The following CHRNA9 variants were observed in gnomAD, a reference collection of about 807,000 sequenced individuals.
CHRNA9 encodes cholinergic receptor nicotinic alpha 9 subunit.
CHRNA9 carries 24 observed loss-of-function variants against 36.8 expected under a neutral mutation model. The ratio of observed to expected loss-of-function variants is 0.65; its 90% confidence interval spans 0.47 to 0.92. CHRNA9 has a LOEUF of 0.92. Ranked by LOEUF, CHRNA9 falls within the 40% of genes least tolerant of loss-of-function variation. The pLI is 0.00. For missense variants in CHRNA9, 610 were observed against 601.2 expected, an observed-to-expected ratio of 1.01 and a Z score of -0.15; for synonymous variants, 231 against 231.8, an observed-to-expected ratio of 1.00 and a Z score of 0.03.
At chr4:40,350,719 CA>C (rs1712776266) in intron 4 of CHRNA9, among the ~76,000 whole-genome samples, 2 of 151,622 alleles carry the variant, frequency 1.3e-5, no homozygotes, top group African/African-American at 4.9e-5. Context: ...CACACACACA[CA>C]CACACACCTC....
In CHRNA9 at chr4:40,340,656, G is replaced by A. The variant is rs544881904; in HGVS notation, c.365+3292G>A. ...GTGGCAAGAAGGAGAAATAGGGTTA[G>A]GGGGTAGGTGAGTCAGTCCAGTGTG... On this transcript the variant is annotated intron_variant, in intron 3 of 4. Coordinates refer to ENST00000310169, the MANE Select transcript of CHRNA9 (RefSeq NM_017581.4). 5.3e-5 allele frequency among the ~76,000 whole-genome samples: 8 copies of A among 152,222 alleles called. 1 individual carries two copies. Among genetic ancestry groups the A allele is most frequent in the Admixed American group, 2.0e-4 (3 of 15,286 alleles).
intron 3 of CHRNA9, among the ~76,000 whole-genome samples, chr4:40,338,722 T>A (rs1428074528): frequency 6.6e-6 from 1 of 152,132 alleles, no homozygotes; most frequent in African/African-American, 2.4e-5. Context: ...CATTCCCAAC[T>A]CTGAGTGGCC....
chr4:40,335,571 G>T (rs763554176), intron 1 of CHRNA9, 40 bp downstream of exon 1: 2 of 1,501,740 alleles, frequency 1.3e-6, no homozygotes, highest in South Asian at 2.2e-5. Context: ...TGTCTCATCT[G>T]GGGCTATTGC....
chr4:40,340,973 CAAAAAA>C (rs543449903), intron 3 of CHRNA9, among the ~76,000 whole-genome samples: 6 of 64,976 alleles, frequency 9.2e-5, no homozygotes, highest in East Asian at 6.5e-4. Flanking sequence ...ATAAGCTCTC[CAAAAAA>C]AAAAAAAAAA....
Position 40,343,671 on chromosome 4 carries a change from G to A in CHRNA9, c.366-5211G>A, listed in dbSNP as rs142087603. 2.0e-5 allele frequency among the ~76,000 whole-genome samples: 3 copies of A among 152,244 alleles called. No individual in the cohort carries two copies. The East Asian group carries it at 5.8e-4, about 29-fold the overall frequency. ...GAAAGCAATTTAAATATTCCGTGAG[G>A]GTTATATTATTAAACATGCCTTCCC... is the stretch of plus-strand genomic sequence containing the variant. On this transcript the variant is annotated intron_variant, in intron 3 of 4. Transcript: ENST00000310169.
intron 4 of CHRNA9, among the ~76,000 whole-genome samples, chr4:40,352,952 C>G (rs1712842662): frequency 6.6e-6 from 1 of 152,096 alleles, no homozygotes; most frequent in Non-Finnish European, 1.5e-5. Flanking sequence ...CATTTCCAAA[C>G]TTTTTAATTT....
At chr4:40,342,580 A>G (rs1049119811) in intron 3 of CHRNA9, among the ~76,000 whole-genome samples, 4 of 152,206 alleles carry the variant, frequency 2.6e-5, no homozygotes, top group Non-Finnish European at 5.9e-5. Context: ...ATAAGCCATA[A>G]TCCCAATGTT....
rs543449903 is a variant in CHRNA9 at position 40,340,973 on chromosome 4, CA to C, written c.365+3629del. The stretch of plus-strand genomic sequence containing the variant: ...GAAGCCAAAGGGAAGATAAGCTCTC[CA>C]AAAAAAAAAAAAAAAAAAAGAACAT... On this transcript the variant is annotated intron_variant, in intron 3 of 4. Coordinates refer to ENST00000310169, the MANE Select transcript of CHRNA9 (RefSeq NM_017581.4). 2.8e-3 allele frequency among the ~76,000 whole-genome samples: 184 copies of C among 64,968 alleles called. 1 individual carries two copies. The highest frequency in any genetic ancestry group is 0.012 in the Middle Eastern group (1 of 82). 42.6% of individuals were successfully genotyped at this position (64,968 alleles called of 152,430 possible).
At chr4:40,338,617 C>T (rs910793311) in intron 3 of CHRNA9, among the ~76,000 whole-genome samples, 13 of 152,062 alleles carry the variant, frequency 8.5e-5, no homozygotes, top group Admixed American at 3.3e-4. Flanking sequence ...GGAAGCAGCA[C>T]GGGTGGGTTG....
In CHRNA9 at chr4:40,342,908, AG is replaced by A. The variant is rs537420014; in HGVS notation, c.365+5547del. Among the ~76,000 whole-genome samples, 10 of 152,282 alleles carry A rather than the reference AG, an allele frequency of 6.6e-5. No homozygotes were observed. The South Asian group carries it at 2.1e-3, about 32-fold the overall frequency. On this transcript the variant is annotated intron_variant, in intron 3 of 4. Transcript: ENST00000310169. ...GGAGGAGAGGACTCACACGACCAGA[AG>A]GGAAGTTAGCCAGGAAGAGAGAGGG...
intron 4 of CHRNA9, chr4:40,349,731 A>G: frequency 7.9e-6 from 2 of 253,326 alleles, no homozygotes; most frequent in Admixed American, 4.8e-5. Context: ...GAAACACAAA[A>G]CCTCAGGGCC....
In CHRNA9 at chr4:40,335,368, G is replaced by A; in HGVS notation, c.-100G>A. The A allele has an allele frequency of 1.1e-6, 1 of 888,842 alleles. No individual in the cohort carries two copies. The highest frequency in any genetic ancestry group is 1.4e-5 in the South Asian group (1 of 73,336). 55.1% of individuals were successfully genotyped at this position (888,842 alleles called of 1,614,324 possible). ...TGAGCTCTCCCGCCATAAGGCTGCA[G>A]CGGTGTGGGCTCCTTGTGCCCAGAT... On this transcript the variant is annotated 5_prime_UTR_variant, in exon 1 of 5. Coordinates refer to ENST00000310169, the MANE Select transcript of CHRNA9 (RefSeq NM_017581.4).
intron 2 of CHRNA9, among the ~76,000 whole-genome samples, chr4:40,336,692 G>A (rs1712331102): frequency 6.6e-6 from 1 of 152,012 alleles, no homozygotes; most frequent in Non-Finnish European, 1.5e-5. Context: ...GTGTTAGTCA[G>A]GATGGTCTCA....
intron 4 of CHRNA9, among the ~76,000 whole-genome samples, chr4:40,351,025 TTTTAA>T (rs1712792007): frequency 6.6e-6 from 1 of 151,920 alleles, no homozygotes; most frequent in Non-Finnish European, 1.5e-5. Context: ...TTAAATTTTA[TTTTAA>T]TTTATTTTTA....
At chr4:40,347,198 G>A (rs1279599690) in intron 3 of CHRNA9, among the ~76,000 whole-genome samples, 3 of 152,176 alleles carry the variant, frequency 2.0e-5, no homozygotes, top group Non-Finnish European at 2.9e-5. Context: ...ATCTGAGATT[G>A]TAGTGTGCTT....
At chr4:40,340,772 G>T (rs529346263) in intron 3 of CHRNA9, among the ~76,000 whole-genome samples, 1 of 152,130 alleles carries the variant, frequency 6.6e-6, no homozygotes, top group South Asian at 2.1e-4. Context: ...GAGTGATCAG[G>T]AAGGAGATGG....
chr4:40,350,693 TACACACACACACACACACAC>T (rs59972613), intron 4 of CHRNA9, among the ~76,000 whole-genome samples: 1 of 143,880 alleles, frequency 7.0e-6, no homozygotes, highest in Non-Finnish European at 1.5e-5. Context: ...CTTTGCAAAA[TACACACACACACACACACAC>T]ACACACACAC....
chr4:40,336,931 G>T (rs865834796), intron 2 of CHRNA9, among the ~76,000 whole-genome samples: 4 of 152,038 alleles, frequency 2.6e-5, no homozygotes, highest in Non-Finnish European at 5.9e-5. Context: ...ATCATTCATT[G>T]ATCAATTTTC....
At chr4:40,336,485 A>T (rs1712322289) in intron 2 of CHRNA9, among the ~76,000 whole-genome samples, 1 of 142,574 alleles carries the variant, frequency 7.0e-6, no homozygotes, top group Non-Finnish European at 1.6e-5. Flanking sequence ...ATTTGATCTT[A>T]ATTTTTTTTT....
Sources: allele counts gnomAD v4.1 joint callset (sites outside exome capture counted in the v4.1 genomes callset), GRCh38; gene constraint gnomAD v4.1.1; transcripts MANE v1.5; gene names NCBI Gene and HGNC (gene_info 2026-07-23, HGNC 2026-07-21).